NCAM1: variants seen among roughly 807,000 people sequenced by gnomAD.
The protein encoded by NCAM1 is antigen recognized by monoclonal antibody 5.1H11.
A neutral mutation model predicts 109.8 loss-of-function variants in NCAM1; 14 were observed. The ratio of observed to expected loss-of-function variants is 0.13; its 90% confidence interval spans 0.08 to 0.20. The LOEUF (loss-of-function observed/expected upper bound fraction) is 0.20. Ranked by LOEUF, NCAM1 falls within the 10% of genes least tolerant of loss-of-function variation. The pLI is 1.00. For synonymous variants in NCAM1, 418 were observed against 442.9 expected (o/e 0.94, Z 0.70); for missense variants, 774 against 1,109.9 (o/e 0.70, Z 4.30).
At chr11:113,101,712 C>A (rs140759884) in intron 1 of NCAM1, among the ~76,000 whole-genome samples, 1,757 of 152,284 alleles carry the variant, frequency 0.012, 25 homozygotes, top group South Asian at 0.032. Flanking sequence ...ATAGTTAACA[C>A]CTGCAGTGTT....
chr11:112,986,607 A>C (rs67083804), intron 1 of NCAM1, among the ~76,000 whole-genome samples: 20,696 of 151,890 alleles, frequency 0.14, 1,450 homozygotes, highest in African/African-American at 0.15. Context: ...CTGTCTGCTC[A>C]CATTTTCTAT....
chr11:113,112,752 AT>A (rs1299938055), intron 1 of NCAM1, among the ~76,000 whole-genome samples: 6 of 152,032 alleles, frequency 3.9e-5, no homozygotes, highest in Middle Eastern at 3.4e-3. Flanking sequence ...TTCTATGTGG[AT>A]TTTTTTTAAG....
chr11:113,223,608 C>A (rs1358606278), intron 9 of NCAM1, among the ~76,000 whole-genome samples: 1 of 152,198 alleles, frequency 6.6e-6, no homozygotes, highest in Non-Finnish European at 1.5e-5. Flanking sequence ...TCTTTTGTTA[C>A]AACATCTCTT....
intron 1 of NCAM1, among the ~76,000 whole-genome samples, chr11:113,064,513 TA>T (rs1253158113): frequency 2.0e-4 from 31 of 152,030 alleles, no homozygotes; most frequent in Admixed American, 1.4e-3. Context: ...CCTTAAACTA[TA>T]TTTTTTTTAT....
intron 8 of NCAM1, among the ~76,000 whole-genome samples, chr11:113,215,797 T>A (rs1423525246): frequency 6.6e-6 from 1 of 152,254 alleles, no homozygotes; most frequent in African/African-American, 2.4e-5. Context: ...TTTACTTGGA[T>A]ACTTTCTTTA....
chr11:113,129,252 T>C (rs1941300882), intron 1 of NCAM1, among the ~76,000 whole-genome samples: 2 of 152,172 alleles, frequency 1.3e-5, no homozygotes, highest in Non-Finnish European at 1.5e-5. Flanking sequence ...CAAATGAAGA[T>C]ATTTTCAATA....
At chr11:113,178,342 G>T (rs1316519309) in intron 1 of NCAM1, among the ~76,000 whole-genome samples, 1 of 152,174 alleles carries the variant, frequency 6.6e-6, no homozygotes, top group South Asian at 2.1e-4. Flanking sequence ...ATGCATTAAT[G>T]TGTTGACTTA....
At chr11:113,110,159 A>G (rs1940381755) in intron 1 of NCAM1, among the ~76,000 whole-genome samples, 1 of 152,222 alleles carries the variant, frequency 6.6e-6, no homozygotes, top group South Asian at 2.1e-4. Context: ...ATCCTGGATC[A>G]GTTCAGTGAA....
At chr11:113,096,371 A>G (rs1335306694) in intron 1 of NCAM1, among the ~76,000 whole-genome samples, 1 of 152,226 alleles carries the variant, frequency 6.6e-6, no homozygotes, top group Non-Finnish European at 1.5e-5. Flanking sequence ...TTTAAGAAGC[A>G]GAATAAAGGA....
At chr11:112,980,497 G>T (rs1591209986) in intron 1 of NCAM1, among the ~76,000 whole-genome samples, 1 of 151,864 alleles carries the variant, frequency 6.6e-6, no homozygotes, top group East Asian at 1.9e-4. Flanking sequence ...GAAATAAAAA[G>T]GAATGCAGTA....
intron 9 of NCAM1, among the ~76,000 whole-genome samples, chr11:113,225,242 C>A (rs1202009943): frequency 6.6e-5 from 10 of 152,112 alleles, no homozygotes; most frequent in African/African-American, 2.2e-4. Flanking sequence ...CCTTAAAGGA[C>A]CTGATGGAGC....
At chr11:112,991,116 A>G (rs1255002407) in intron 1 of NCAM1, among the ~76,000 whole-genome samples, 1 of 152,080 alleles carries the variant, frequency 6.6e-6, no homozygotes, top group Non-Finnish European at 1.5e-5. Context: ...TTACATTAGT[A>G]TTTTAGGTAG....
chr11:113,251,632 A>G (rs558320592), intron 15 of NCAM1, among the ~76,000 whole-genome samples: 2 of 152,308 alleles, frequency 1.3e-5, no homozygotes, highest in South Asian at 2.1e-4. Flanking sequence ...TTTGGGGGGA[A>G]CATTTGACTC....
At chr11:113,247,440 C>T (rs1006916009) in intron 15 of NCAM1, among the ~76,000 whole-genome samples, 5 of 152,148 alleles carry the variant, frequency 3.3e-5, no homozygotes, top group Admixed American at 6.5e-5. Context: ...ACAGACAAAC[C>T]GTCAACAGCT....
chr11:113,109,952 A>G (rs553289120), intron 1 of NCAM1, among the ~76,000 whole-genome samples: 1 of 152,308 alleles, frequency 6.6e-6, no homozygotes, highest in South Asian at 2.1e-4. Flanking sequence ...ACATATATAC[A>G]TACATATATA....
At chr11:113,156,533 T>C (rs1555103455) in intron 1 of NCAM1, among the ~76,000 whole-genome samples, 2 of 151,974 alleles carry the variant, frequency 1.3e-5, no homozygotes, top group African/African-American at 4.8e-5. Context: ...ACAGCTATAT[T>C]AAAGGGGTGG....
chr11:113,181,008 T>G (rs1170009411), intron 1 of NCAM1, among the ~76,000 whole-genome samples: 1 of 152,216 alleles, frequency 6.6e-6, no homozygotes, highest in Non-Finnish European at 1.5e-5. Context: ...ATTGCAGTTT[T>G]TGGTACAGTA....
intron 1 of NCAM1, chr11:112,977,296 C>T (rs997998761): frequency 3.3e-5 from 5 of 151,678 alleles, no homozygotes; most frequent in African/African-American, 4.8e-5. Context: ...TTGGAAAAGT[C>T]GCAATCTTTA....
intron 1 of NCAM1, among the ~76,000 whole-genome samples, chr11:113,150,011 A>G (rs1370371516): frequency 1.3e-5 from 2 of 152,198 alleles, no homozygotes; most frequent in Non-Finnish European, 2.9e-5. Flanking sequence ...GATGAAAATG[A>G]TCAAAAAGTG....
Sources: allele counts gnomAD v4.1 joint callset (sites outside exome capture counted in the v4.1 genomes callset), GRCh38; gene constraint gnomAD v4.1.1; transcripts MANE v1.5; gene names NCBI Gene and HGNC (gene_info 2026-07-23, HGNC 2026-07-21).